The following PSD2 variants were observed in gnomAD, a reference collection of about 807,000 sequenced individuals.
PSD2 encodes the protein pleckstrin and Sec7 domain containing 2, also known as PH and SEC7 domain-containing protein 2.
PSD2 carries 38 observed loss-of-function variants against 69.8 expected under a neutral mutation model. The ratio of observed to expected loss-of-function variants is 0.54; its 90% CI spans 0.42 to 0.71. The LOEUF is 0.71. PSD2 is among the 30% of genes least tolerant of loss of function. The pLI, the probability that PSD2 is intolerant of heterozygous loss-of-function variation, is 0.00. For missense variants in PSD2, 943 were observed against 1,014.5 expected (o/e 0.93, Z 0.96); for synonymous variants, 412 against 423.0 (o/e 0.97, Z 0.32).
the PSD2 span, among the ~76,000 whole-genome samples, chr5:139,766,144 G>C: frequency 5.3e-5 from 8 of 152,110 alleles, no homozygotes; most frequent in African/African-American, 1.7e-4. Flanking sequence ...TGGTGGGGGT[G>C]GATCGCTGAG....
intron 2 of PSD2, 69 bp from the exon 3 acceptor site, chr5:139,813,240 A>G: frequency 7.7e-7 from 1 of 1,306,890 alleles, no homozygotes; most frequent in Non-Finnish European, 1.0e-6. Flanking sequence ...GACACAGATG[A>G]GTGTAGTCAC....
intron 4 of PSD2, among the ~76,000 whole-genome samples, chr5:139,816,652 A>G (rs1760127928): frequency 6.6e-6 from 1 of 152,248 alleles, no homozygotes; most frequent in Non-Finnish European, 1.5e-5. Context: ...TCCTCATGCC[A>G]GTCTTCTTGA....
the PSD2 span, among the ~76,000 whole-genome samples, chr5:139,752,569 C>G: frequency 1.3e-5 from 2 of 152,188 alleles, no homozygotes; most frequent in Admixed American, 6.5e-5. Context: ...GACAAACACA[C>G]AAGGACATTG....
the PSD2 span, among the ~76,000 whole-genome samples, chr5:139,787,823 G>T: frequency 2.2e-4 from 34 of 152,390 alleles, no homozygotes; most frequent in Admixed American, 4.6e-4. Context: ...GTCACCATGG[G>T]ATAGTTGGGG....
the PSD2 span, among the ~76,000 whole-genome samples, chr5:139,789,151 A>G: frequency 6.6e-6 from 1 of 152,148 alleles, no homozygotes; most frequent in Non-Finnish European, 1.5e-5. Context: ...GTCCCTGGCC[A>G]CTCACTCTTT....
the PSD2 span, among the ~76,000 whole-genome samples, chr5:139,788,925 C>T: frequency 6.6e-6 from 1 of 152,366 alleles, no homozygotes. Flanking sequence ...CTTGCTGGCC[C>T]CCACAGCCAG....
At chr5:139,797,778 G>T (rs988549898) in intron 1 of PSD2, among the ~76,000 whole-genome samples, 1 of 152,174 alleles carries the variant, frequency 6.6e-6, no homozygotes. Flanking sequence ...AAGTCTCCTG[G>T]TTAGTAAGTG....
chr5:139,800,678 T>C (rs927338076), intron 1 of PSD2, among the ~76,000 whole-genome samples: 7 of 152,198 alleles, frequency 4.6e-5, no homozygotes, highest in African/African-American at 1.7e-4. Context: ...AGGCTCCCAG[T>C]GCCACACTCA....
chr5:139,752,170 C>A, the PSD2 span, among the ~76,000 whole-genome samples: 5 of 152,120 alleles, frequency 3.3e-5, no homozygotes, highest in Admixed American at 2.6e-4. Flanking sequence ...TCACACTCCT[C>A]AAAGCTTAGT....
the PSD2 span, among the ~76,000 whole-genome samples, chr5:139,769,074 G>C: frequency 0.014 from 2,067 of 152,206 alleles, 36 homozygotes; most frequent in African/African-American, 0.046. Flanking sequence ...TGATGTTGGA[G>C]AAGCACAGGG....
rs754679031 is a variant in PSD2 at position 139,837,203 on chromosome 5, G to T, written c.1630G>T (p.Ala544Ser). ...RGRRGWKKFY[A>S]VLKGTILYLQ... The stretch of plus-strand genomic sequence containing the variant: ...GAGGCGTGGCTGGAAGAAATTCTAC[G>T]CAGTGCTCAAAGGGACCATCCTGTA... The change falls in exon 11 of 15, where the codon GCA becomes TCA. Residue 544 changes from alanine to serine, a missense_variant. Ala to Ser is a moderately conservative substitution (Grantham distance 99). Coordinates refer to ENST00000274710, the MANE Select transcript of PSD2 (RefSeq NM_032289.4). The surrounding 1 kb of genome is among the most constrained non-coding windows in gnomAD (Gnocchi z 5.0). 2 of 1,613,916 alleles carry T rather than the reference G, an allele frequency of 1.2e-6. No individual in the cohort carries two copies. Among genetic ancestry groups the T allele is most frequent in the African/African-American group, 1.3e-5 (1 of 74,908 alleles).
At chr5:139,807,229 C>T (rs181762298) in intron 1 of PSD2, among the ~76,000 whole-genome samples, 6 of 152,326 alleles carry the variant, frequency 3.9e-5, no homozygotes, top group East Asian at 1.9e-4. Flanking sequence ...CTGGTGAAAT[C>T]GGGTTGAAAC....
the PSD2 span, among the ~76,000 whole-genome samples, chr5:139,752,725 C>T: frequency 6.6e-6 from 1 of 152,222 alleles, no homozygotes; most frequent in Non-Finnish European, 1.5e-5. Context: ...GACACAGGCA[C>T]ACACATACAC....
chr5:139,825,990 T>A (rs1488055339), intron 7 of PSD2, among the ~76,000 whole-genome samples: 1 of 152,116 alleles, frequency 6.6e-6, no homozygotes. Flanking sequence ...AGGAAACTCA[T>A]GAGTGTGTGG....
rs1760803031 is a variant in PSD2 at position 139,838,821 on chromosome 5, G to T, written c.1968+49G>T. On this transcript the variant is annotated intron_variant, in intron 13 of 14. Coordinates refer to ENST00000274710, the MANE Select transcript of PSD2 (RefSeq NM_032289.4). The stretch of plus-strand genomic sequence containing the variant: ...TTGCCTCCCCAGGCTGCCATCCTCA[G>T]CCCAGGCCCCCATCCAGCAGCCCCA... 8 of 1,582,798 alleles carry T rather than the reference G, an allele frequency of 5.1e-6. No homozygotes were observed. In the East Asian group the frequency reaches 1.8e-4, roughly 36 times the overall value.
chr5:139,831,034 T>C (rs1760589522), intron 7 of PSD2, among the ~76,000 whole-genome samples: 1 of 152,086 alleles, frequency 6.6e-6, no homozygotes, highest in African/African-American at 2.4e-5. Context: ...AGTGTTAAAA[T>C]CTCCAGCCAA....
In PSD2 at chr5:139,840,739, TG is replaced by T. The variant is rs548441195; in HGVS notation, c.2112+574del. Reference sequence around the variant, plus strand: ...CTAATTTTTGTATTTTTAGTAGATATGGGGGTTTCACCATGTTGGCCAGGAT... The same window carrying T: ...CTAATTTTTGTATTTTTAGTAGATATGGGGTTTCACCATGTTGGCCAGGAT... On this transcript the variant is annotated intron_variant, in intron 14 of 14. Transcript: ENST00000274710. Among the ~76,000 whole-genome samples, 85 of 152,076 alleles carry T rather than the reference TG, an allele frequency of 5.6e-4. 1 individual carries two copies. The highest frequency in any genetic ancestry group is 9.4e-4 in the Non-Finnish European group (64 of 67,940).
rs1759566696 is a variant in PSD2, at chr5:139,797,739, T to C, written c.-51+1764T>C. On this transcript the variant is annotated intron_variant, in intron 1 of 14. Coordinates refer to ENST00000274710, the MANE Select transcript of PSD2 (RefSeq NM_032289.4). The stretch of plus-strand genomic sequence containing the variant: ...CTTTAGAGGGAGGCACTACCCTTAT[T>C]CCCATTTTGTGGTAGAGCTGTTTGT... Among the ~76,000 whole-genome samples, 7 of 152,156 alleles carry C rather than the reference T, an allele frequency of 4.6e-5. No homozygotes were observed. The South Asian group carries it at 1.4e-3, about 32-fold the overall frequency.
the PSD2 span, among the ~76,000 whole-genome samples, chr5:139,773,746 G>A: frequency 4.8e-4 from 73 of 152,104 alleles, no homozygotes; most frequent in Non-Finnish European, 9.7e-4. Flanking sequence ...GGCTGCCACC[G>A]CTTGGCTGTT....
Sources: allele counts gnomAD v4.1 joint callset (sites outside exome capture counted in the v4.1 genomes callset), GRCh38; gene constraint gnomAD v4.1.1; non-coding constraint Gnocchi (gnomAD v3.1); transcripts MANE v1.5; gene names NCBI Gene and HGNC (gene_info 2026-07-23, HGNC 2026-07-21).